LOC128125818: variants seen among roughly 807,000 people sequenced by gnomAD.
chr4:6,067,774 G>T, the LOC128125818 span, among the ~76,000 whole-genome samples: 1 of 134,370 alleles, frequency 7.4e-6, no homozygotes, highest in African/African-American at 2.9e-5. The surrounding 1 kb of genome is among the most constrained non-coding windows in gnomAD (Gnocchi z 4.6). Context: ...TGAGCTCCAC[G>T]TTCACTCAAG....
the LOC128125818 span, among the ~76,000 whole-genome samples, chr4:6,067,215 G>A: frequency 5.6e-3 from 848 of 152,286 alleles, 6 homozygotes; most frequent in Non-Finnish European, 9.0e-3. This position sits in a 1 kb window ranked among gnomAD's most constrained non-coding sequence, Gnocchi z 4.6. Flanking sequence ...TGGCCCTTTT[G>A]TTCTCGACTG....
the LOC128125818 span, chr4:6,065,047 G>A: frequency 3.1e-6 from 5 of 1,613,014 alleles, no homozygotes; most frequent in Non-Finnish European, 4.2e-6. The surrounding 1 kb of genome is among the most constrained non-coding windows in gnomAD (Gnocchi z 5.1). Flanking sequence ...CAACGACTGA[G>A]GATTGCCAGA....
chr4:6,066,109 G>A, the LOC128125818 span, among the ~76,000 whole-genome samples: 1 of 151,952 alleles, frequency 6.6e-6, no homozygotes, highest in Non-Finnish European at 1.5e-5. Context: ...CCCAGCCCAA[G>A]GCTCTGCTGG....
the LOC128125818 span, among the ~76,000 whole-genome samples, chr4:6,068,469 G>A: frequency 2.6e-5 from 4 of 152,030 alleles, no homozygotes; most frequent in Non-Finnish European, 5.9e-5. Flanking sequence ...AGCCAGGCAC[G>A]GCACACACAG....
At chr4:6,068,066 C>T in the LOC128125818 span, among the ~76,000 whole-genome samples, 7 of 152,316 alleles carry the variant, frequency 4.6e-5, no homozygotes, top group South Asian at 2.1e-4. Context: ...CTGGGGGCAA[C>T]GACTCAATGC....
At chr4:6,067,565 G>C in the LOC128125818 span, among the ~76,000 whole-genome samples, 1 of 141,900 alleles carries the variant, frequency 7.0e-6, no homozygotes, top group Non-Finnish European at 1.5e-5. The surrounding 1 kb of genome is among the most constrained non-coding windows in gnomAD (Gnocchi z 4.6). Flanking sequence ...ACCCACGGGA[G>C]TGATGCATCT....
chr4:6,069,537 C>G, the LOC128125818 span, among the ~76,000 whole-genome samples: 1 of 152,052 alleles, frequency 6.6e-6, no homozygotes, highest in Non-Finnish European at 1.5e-5. The surrounding 1 kb of genome is among the most constrained non-coding windows in gnomAD (Gnocchi z 4.5). Context: ...TCGCTTGAGC[C>G]CAGGAGTTCA....
At chr4:6,069,808 C>T in the LOC128125818 span, among the ~76,000 whole-genome samples, 1 of 151,876 alleles carries the variant, frequency 6.6e-6, no homozygotes, top group Admixed American at 6.6e-5. The surrounding 1 kb of genome is among the most constrained non-coding windows in gnomAD (Gnocchi z 4.5). Flanking sequence ...GTAAACATGT[C>T]TCCTCCATTT....
the LOC128125818 span, among the ~76,000 whole-genome samples, chr4:6,069,111 G>A: frequency 2.6e-5 from 4 of 152,172 alleles, no homozygotes; most frequent in Non-Finnish European, 5.9e-5. This position sits in a 1 kb window ranked among gnomAD's most constrained non-coding sequence, Gnocchi z 4.5. Context: ...AACTGGTTTT[G>A]CACTGCATTT....
At chr4:6,067,636 C>CTCT in the LOC128125818 span, among the ~76,000 whole-genome samples, 1 of 148,256 alleles carries the variant, frequency 6.7e-6, no homozygotes, top group African/African-American at 2.5e-5. The surrounding 1 kb of genome is among the most constrained non-coding windows in gnomAD (Gnocchi z 4.6). Context: ...TTCACTCAAG[C>CTCT]TCTTCTGCAC....
the LOC128125818 span, among the ~76,000 whole-genome samples, chr4:6,069,081 A>G: frequency 1.3e-5 from 2 of 152,328 alleles, no homozygotes; most frequent in Admixed American, 1.3e-4. This position sits in a 1 kb window ranked among gnomAD's most constrained non-coding sequence, Gnocchi z 4.5. Flanking sequence ...CACAGTGGCT[A>G]TCTTCCTTGA....
At chr4:6,069,726 C>G in the LOC128125818 span, among the ~76,000 whole-genome samples, 1 of 147,762 alleles carries the variant, frequency 6.8e-6, no homozygotes, top group African/African-American at 2.5e-5. This position sits in a 1 kb window ranked among gnomAD's most constrained non-coding sequence, Gnocchi z 4.5. Context: ...GCACTCCAGC[C>G]TGGGTGACAG....
At chr4:6,066,440 C>G in the LOC128125818 span, among the ~76,000 whole-genome samples, 1 of 152,198 alleles carries the variant, frequency 6.6e-6, no homozygotes, top group Non-Finnish European at 1.5e-5. Context: ...ACCCCTCCCA[C>G]ATTCCTCCTT....
At chr4:6,069,332 C>T in the LOC128125818 span, among the ~76,000 whole-genome samples, 3 of 152,342 alleles carry the variant, frequency 2.0e-5, no homozygotes, top group Middle Eastern at 6.8e-3. This position sits in a 1 kb window ranked among gnomAD's most constrained non-coding sequence, Gnocchi z 4.5. Context: ...AAAATGTCCA[C>T]CATTTGCTCA....
the LOC128125818 span, among the ~76,000 whole-genome samples, chr4:6,067,259 G>A: frequency 2.6e-5 from 4 of 152,202 alleles, no homozygotes; most frequent in Admixed American, 6.5e-5. The surrounding 1 kb of genome is among the most constrained non-coding windows in gnomAD (Gnocchi z 4.6). Flanking sequence ...AGCCACACTA[G>A]TTTGTCTATC....
At chr4:6,069,639 G>A in the LOC128125818 span, among the ~76,000 whole-genome samples, 1 of 152,028 alleles carries the variant, frequency 6.6e-6, no homozygotes, top group Non-Finnish European at 1.5e-5. The surrounding 1 kb of genome is among the most constrained non-coding windows in gnomAD (Gnocchi z 4.5). Context: ...TGTAGTCCCA[G>A]CTACTTGGGA....
the LOC128125818 span, among the ~76,000 whole-genome samples, chr4:6,065,269 T>G: frequency 6.6e-6 from 1 of 152,198 alleles, no homozygotes; most frequent in African/African-American, 2.4e-5. The surrounding 1 kb of genome is among the most constrained non-coding windows in gnomAD (Gnocchi z 5.1). Context: ...TGTAGACCTG[T>G]GCAAACCACT....
At chr4:6,065,524 A>C in the LOC128125818 span, among the ~76,000 whole-genome samples, 101 of 152,358 alleles carry the variant, frequency 6.6e-4, no homozygotes, top group Non-Finnish European at 1.2e-3. This position sits in a 1 kb window ranked among gnomAD's most constrained non-coding sequence, Gnocchi z 5.1. Flanking sequence ...GAAGGAGTGG[A>C]GAGCCCAGCC....
chr4:6,069,225 A>T, the LOC128125818 span, among the ~76,000 whole-genome samples: 4 of 152,076 alleles, frequency 2.6e-5, no homozygotes, highest in East Asian at 1.9e-4. The surrounding 1 kb of genome is among the most constrained non-coding windows in gnomAD (Gnocchi z 4.5). Context: ...AGTGGGCTTT[A>T]AAAAAAATGG....
Sources: allele counts gnomAD v4.1 joint callset (sites outside exome capture counted in the v4.1 genomes callset), GRCh38; gene constraint gnomAD v4.1.1; non-coding constraint Gnocchi (gnomAD v3.1); transcripts MANE v1.5.